The following SHCBP1L variants were observed in gnomAD, a reference collection of about 807,000 sequenced individuals.
SHCBP1L encodes SHC binding and spindle associated 1 like.
A neutral mutation model predicts 62.5 loss-of-function variants in SHCBP1L; 67 were observed. The ratio of observed to expected loss-of-function variants is 1.07; its 90% CI spans 0.88 to 1.31. The LOEUF (loss-of-function observed/expected upper bound fraction) is 1.31. Among genes scored for constraint, SHCBP1L ranks in the 40% most tolerant of loss-of-function variants. The pLI is 0.00. For synonymous variants in SHCBP1L, 284 were observed against 289.4 expected (o/e 0.98, Z 0.19); for missense variants, 823 against 809.8 (o/e 1.02, Z -0.20).
Position 182,952,939 on chromosome 1 carries a change from C to G in SHCBP1L, c.195G>C (p.Thr65=), listed in dbSNP as rs777802630. 45 of 1,552,428 alleles carry G rather than the reference C, an allele frequency of 2.9e-5. No homozygotes were observed. Among genetic ancestry groups the G allele is most frequent in the Non-Finnish European group, 3.7e-5 (42 of 1,150,656 alleles). The change falls in exon 1 of 10, where the codon ACG becomes ACC. Residue 65 remains threonine, a synonymous_variant. Transcript: ENST00000367547. ...GCAGGCGCTGGAGCCGCAGCCTGGC[C>G]GTCTCCCGGCCCGCTTTCCCCTTCA... ...RPVKGKAGRE[T]ARLRLQRLPA...
chr1:182,949,653 C>G (rs1651682077), intron 2 of SHCBP1L, among the ~76,000 whole-genome samples: 1 of 151,128 alleles, frequency 6.6e-6, no homozygotes, highest in Admixed American at 6.6e-5. Context: ...GCTGAGATTG[C>G]ACCACTGCAC....
chr1:182,948,384 C>T (rs1010025348), intron 2 of SHCBP1L, among the ~76,000 whole-genome samples: 3 of 152,152 alleles, frequency 2.0e-5, no homozygotes. Context: ...TTGGATTACC[C>T]AGTTGGGCCC....
chr1:182,924,790 GAGA>G (rs1557996903), intron 6 of SHCBP1L, among the ~76,000 whole-genome samples: 3 of 73,414 alleles, frequency 4.1e-5, no homozygotes, highest in African/African-American at 1.3e-4. Context: ...GAAAGAAAGA[GAGA>G]AAGAAAGGAA....
intron 5 of SHCBP1L, among the ~76,000 whole-genome samples, chr1:182,936,541 T>C (rs1242600778): frequency 6.6e-6 from 1 of 152,208 alleles, no homozygotes. Context: ...CCCTAGAGAT[T>C]GCAACATATA....
At chr1:182,927,621 G>A (rs1490733152) in intron 6 of SHCBP1L, among the ~76,000 whole-genome samples, 4 of 141,318 alleles carry the variant, frequency 2.8e-5, no homozygotes, top group Non-Finnish European at 4.5e-5. Flanking sequence ...GCAGTGAGGC[G>A]AGATCACGCC....
At chr1:182,916,348 G>A (rs929952052) in intron 6 of SHCBP1L, among the ~76,000 whole-genome samples, 1 of 151,758 alleles carries the variant, frequency 6.6e-6, no homozygotes, top group African/African-American at 2.4e-5. Context: ...AAAGCCAACA[G>A]TAAAAGGAAA....
At chr1:182,914,227 G>A (rs1041232305) in intron 6 of SHCBP1L, among the ~76,000 whole-genome samples, 1 of 152,070 alleles carries the variant, frequency 6.6e-6, no homozygotes, top group African/African-American at 2.4e-5. Flanking sequence ...GATAAAAAAA[G>A]TTAGGCCTAT....
chr1:182,911,539 T>C (rs1650187826), intron 6 of SHCBP1L, among the ~76,000 whole-genome samples: 1 of 152,150 alleles, frequency 6.6e-6, no homozygotes, highest in South Asian at 2.1e-4. Flanking sequence ...AGATAAGACT[T>C]TGGACTTACT....
intron 6 of SHCBP1L, among the ~76,000 whole-genome samples, chr1:182,929,301 T>C (rs1650885285): frequency 1.3e-5 from 2 of 152,224 alleles, no homozygotes; most frequent in African/African-American, 4.8e-5. Context: ...TAACTGCCTA[T>C]ATACTTGTGT....
chr1:182,932,468 A>ATTATTTAT (rs752346929), intron 5 of SHCBP1L, among the ~76,000 whole-genome samples: 1,683 of 151,140 alleles, frequency 0.011, 30 homozygotes, highest in African/African-American at 0.034. Context: ...ATGGAATTTT[A>ATTATTTAT]TTATTTATTT....
chr1:182,924,692 AAAGG>A (rs1650622806), intron 6 of SHCBP1L, among the ~76,000 whole-genome samples: 1 of 111,310 alleles, frequency 9.0e-6, no homozygotes, highest in South Asian at 2.8e-4. Context: ...AAAGGAAAGG[AAAGG>A]AAAGGAAGAA....
At chr1:182,945,243 C>T (rs1262037664) in intron 2 of SHCBP1L, among the ~76,000 whole-genome samples, 2 of 152,054 alleles carry the variant, frequency 1.3e-5, no homozygotes, top group African/African-American at 4.8e-5. Flanking sequence ...GTATTACAGG[C>T]GTGAGCCACT....
chr1:182,952,531 T>C (rs1651811601), intron 1 of SHCBP1L, 198 bp downstream of exon 1: 6 of 588,048 alleles, frequency 1.0e-5, no homozygotes, highest in Non-Finnish European at 5.4e-6. Context: ...AACTCGAACC[T>C]TAACTCCTCT....
At chr1:182,931,123 A>G (rs942332359) in intron 5 of SHCBP1L, among the ~76,000 whole-genome samples, 3 of 152,078 alleles carry the variant, frequency 2.0e-5, no homozygotes, top group Non-Finnish European at 4.4e-5. Flanking sequence ...TAAAAACTGA[A>G]TTTAAACATA....
intron 2 of SHCBP1L, among the ~76,000 whole-genome samples, chr1:182,949,580 A>G (rs1558006520): frequency 6.6e-6 from 1 of 151,854 alleles, no homozygotes; most frequent in Non-Finnish European, 1.5e-5. Context: ...GCCTGCAGTC[A>G]CAGCTACTCA....
At chr1:182,933,552 G>T (rs912428800) in intron 5 of SHCBP1L, among the ~76,000 whole-genome samples, 2 of 152,036 alleles carry the variant, frequency 1.3e-5, no homozygotes, top group African/African-American at 4.8e-5. Flanking sequence ...TCATGAAAGG[G>T]TGTTAATTTG....
intron 9 of SHCBP1L, among the ~76,000 whole-genome samples, chr1:182,900,515 C>T (rs1416716353): frequency 1.3e-5 from 2 of 152,138 alleles, no homozygotes; most frequent in East Asian, 1.9e-4. Context: ...TCACTGCAAC[C>T]TCCGCCTCCC....
At chr1:182,905,446 T>C in intron 7 of SHCBP1L, 50 bp downstream of exon 7, 2 of 1,540,272 alleles carry the variant, frequency 1.3e-6, no homozygotes, top group South Asian at 2.4e-5. Context: ...ATACACAATT[T>C]GTCCAGTATA....
chr1:182,932,250 A>G (rs115550466), intron 5 of SHCBP1L, among the ~76,000 whole-genome samples: 22 of 152,182 alleles, frequency 1.4e-4, no homozygotes, highest in Non-Finnish European at 2.5e-4. Flanking sequence ...TAAAACTGCT[A>G]TAAACAACCA....
Sources: allele counts gnomAD v4.1 joint callset (sites outside exome capture counted in the v4.1 genomes callset), GRCh38; gene constraint gnomAD v4.1.1; transcripts MANE v1.5; gene names NCBI Gene and HGNC (gene_info 2026-07-23, HGNC 2026-07-21).